GRHL2: variants seen among roughly 807,000 people sequenced by gnomAD.
GRHL2 encodes the protein grainyhead-like protein 2 homolog.
A neutral mutation model predicts 83.8 loss-of-function variants in GRHL2; 21 were observed. The observed-to-expected ratio is 0.25, with a 90% CI of 0.18 to 0.36. The LOEUF (loss-of-function observed/expected upper bound fraction) is 0.36, where lower values mean the gene tolerates loss of function less well. Ranked by LOEUF, GRHL2 falls within the 10% of genes least tolerant of loss-of-function variation. GRHL2 has a pLI of 1.00. For synonymous variants in GRHL2, 280 were observed against 278.9 expected (o/e 1.00, Z -0.04); for missense variants, 623 against 781.8 (o/e 0.80, Z 2.42).
At position 101,556,036 on chromosome 8, in the gene GRHL2, A is replaced by G. The variant is rs192708874; in HGVS notation, c.285-2383A>G. ...AATGGCATGATCTCAGCTCACTGCA[A>G]CCTCCGATCCCGGCAGGTTCAAGTG... is the stretch of plus-strand genomic sequence containing the variant. On this transcript the variant is annotated intron_variant, in intron 3 of 15. Transcript: ENST00000646743. Among the ~76,000 whole-genome samples, 309 of 151,984 alleles carry G rather than the reference A, an allele frequency of 2.0e-3. 4 individuals are homozygous for G. The highest frequency in any genetic ancestry group is 6.9e-3 in the African/African-American group (286 of 41,454).
intron 15 of GRHL2, among the ~76,000 whole-genome samples, chr8:101,665,959 G>A (rs903087161): frequency 1.3e-5 from 2 of 152,198 alleles, no homozygotes; most frequent in Non-Finnish European, 2.9e-5. Context: ...AGGTGGTAAA[G>A]TACAAGTGTC....
At chr8:101,592,882 C>A (rs1164894412) in intron 7 of GRHL2, among the ~76,000 whole-genome samples, 1 of 152,194 alleles carries the variant, frequency 6.6e-6, no homozygotes, top group Non-Finnish European at 1.5e-5. Context: ...ATGACATTAA[C>A]AATGAGATTA....
the GRHL2 span, among the ~76,000 whole-genome samples, chr8:101,676,974 C>T: frequency 4.0e-5 from 6 of 151,826 alleles, no homozygotes; most frequent in Admixed American, 2.0e-4. Flanking sequence ...AAAAAACAAA[C>T]ACCACATATT....
intron 1 of GRHL2, among the ~76,000 whole-genome samples, chr8:101,498,578 A>G (rs1287884153): frequency 1.3e-5 from 2 of 152,162 alleles, no homozygotes; most frequent in African/African-American, 4.8e-5. Flanking sequence ...AGCTTGAAGT[A>G]TTACTCTGAT....
rs1210840378 is a variant in GRHL2, at chr8:101,616,419, C to T, written c.1099-3120C>T. Among the ~76,000 whole-genome samples the T allele has an allele frequency of 3.3e-5, 5 of 152,268 alleles. No homozygotes were observed. In the East Asian group the frequency reaches 7.7e-4, roughly 23 times the overall value. On this transcript the variant is annotated intron_variant, in intron 8 of 15. Transcript: ENST00000646743. ...CTCCTGACCTCTGGTGATCCACCCG[C>T]CTAAGCCTCTCAAAATGCTGGGATT...
Position 101,666,576 on chromosome 8 carries a change from C to T in GRHL2, c.1764-13C>T. ...CGTCTTTGTTTTTCACACCCCTCCC[C>T]CCTCCATGGCAGCATCTTGGTGAAC... On this transcript the variant is annotated splice_polypyrimidine_tract_variant and intron_variant, in intron 15 of 15. Coordinates refer to ENST00000646743, the MANE Select transcript of GRHL2 (RefSeq NM_024915.4). The T allele has an allele frequency of 1.3e-6, 2 of 1,518,768 alleles. No homozygotes were observed. Among genetic ancestry groups the T allele is most frequent in the Non-Finnish European group, 1.8e-6 (2 of 1,093,112 alleles). The allele number at this position is 1,518,768 out of a possible 1,614,324, so 94.1% of individuals were successfully genotyped here. A position where few individuals can be genotyped will look rare whatever the true frequency, so the allele number is the denominator to read the frequency against.
chr8:101,554,524 T>TA (rs574939438), intron 3 of GRHL2, among the ~76,000 whole-genome samples: 6 of 150,142 alleles, frequency 4.0e-5, no homozygotes, highest in African/African-American at 1.3e-4. Context: ...TAGAGCACTT[T>TA]AAAAAAAAAC....
rs1563556310 is a variant in GRHL2, at chr8:101,509,217, GT to G, written c.20+16429del. On this transcript the variant is annotated intron_variant, in intron 1 of 15. Transcript: ENST00000646743. ...TCTTTCTTTCTTTCTTCTTGTGTGTGTGTGTGTGTGTGTGTGTGTGTGTGTG... is the reference window on the plus strand; with the variant it reads ...TCTTTCTTTCTTTCTTCTTGTGTGTGGTGTGTGTGTGTGTGTGTGTGTGTG... Among the ~76,000 whole-genome samples the G allele has an allele frequency of 9.2e-3, 422 of 45,712 alleles. 12 individuals are homozygous for G. Among genetic ancestry groups the G allele is most frequent in the African/African-American group, 0.024 (396 of 16,542 alleles). 30.0% of individuals were successfully genotyped at this position (45,712 alleles called of 152,430 possible). A position where few individuals can be genotyped will look rare whatever the true frequency, so the allele number is the denominator to read the frequency against.
intron 7 of GRHL2, among the ~76,000 whole-genome samples, chr8:101,598,006 C>T (rs1812427595): frequency 6.6e-6 from 1 of 152,008 alleles, no homozygotes; most frequent in Non-Finnish European, 1.5e-5. Context: ...CCCAATCTGG[C>T]AACTTTAGTC....
At chr8:101,495,953 C>G (rs1275020449) in intron 1 of GRHL2, among the ~76,000 whole-genome samples, 2 of 152,074 alleles carry the variant, frequency 1.3e-5, no homozygotes, top group African/African-American at 4.8e-5. Flanking sequence ...TCATGACCAG[C>G]CTGATCAACA....
intron 4 of GRHL2, among the ~76,000 whole-genome samples, chr8:101,559,353 C>CAAAAAAAAAA (rs34176940): frequency 1.2e-4 from 11 of 88,964 alleles, no homozygotes; most frequent in Admixed American, 4.2e-4. Context: ...ACTAAAAATA[C>CAAAAAAAAAA]AAAAAAAAAA....
At chr8:101,563,725 T>G (rs1472972248) in intron 4 of GRHL2, among the ~76,000 whole-genome samples, 3 of 152,116 alleles carry the variant, frequency 2.0e-5, no homozygotes, top group Non-Finnish European at 2.9e-5. Flanking sequence ...TTTTTGTTTT[T>G]TTTTGTTTTT....
intron 1 of GRHL2, among the ~76,000 whole-genome samples, chr8:101,513,516 TGGAG>T (rs1554582045): frequency 2.7e-5 from 4 of 146,736 alleles, no homozygotes; most frequent in Middle Eastern, 3.3e-3. Context: ...TTTTTGGAGA[TGGAG>T]TTTTGCTCTT....
intron 7 of GRHL2, among the ~76,000 whole-genome samples, chr8:101,597,525 T>C (rs913326663): frequency 1.3e-5 from 2 of 152,114 alleles, no homozygotes; most frequent in African/African-American, 4.8e-5. Context: ...TTCATGTCCT[T>C]TGTAGGGACA....
At chr8:101,508,038 G>A (rs1810377140) in intron 1 of GRHL2, among the ~76,000 whole-genome samples, 1 of 152,058 alleles carries the variant, frequency 6.6e-6, no homozygotes, top group Non-Finnish European at 1.5e-5. Flanking sequence ...CACCCGCCTT[G>A]AACTCCCAAA....
At chr8:101,525,478 A>G (rs1289761086) in intron 1 of GRHL2, among the ~76,000 whole-genome samples, 1 of 152,162 alleles carries the variant, frequency 6.6e-6, no homozygotes, top group South Asian at 2.1e-4. Context: ...GATAGTTATA[A>G]AGCATATTAA....
At chr8:101,567,396 T>C (rs1342364391) in intron 4 of GRHL2, among the ~76,000 whole-genome samples, 1 of 152,224 alleles carries the variant, frequency 6.6e-6, no homozygotes. Context: ...ACTTGATAAC[T>C]GTAGCCAGAA....
intron 1 of GRHL2, among the ~76,000 whole-genome samples, chr8:101,495,931 G>A (rs1279948062): frequency 1.3e-5 from 2 of 152,084 alleles, no homozygotes; most frequent in African/African-American, 2.4e-5. Flanking sequence ...GGTGGATCAC[G>A]AGGTCAGGAG....
At chr8:101,532,518 A>C (rs1810948786) in intron 1 of GRHL2, among the ~76,000 whole-genome samples, 1 of 152,228 alleles carries the variant, frequency 6.6e-6, no homozygotes, top group Admixed American at 6.5e-5. Flanking sequence ...TTAGGAGGCC[A>C]AGGTGGGCGG....
Sources: allele counts gnomAD v4.1 joint callset (sites outside exome capture counted in the v4.1 genomes callset), GRCh38; gene constraint gnomAD v4.1.1; transcripts MANE v1.5; gene names NCBI Gene and HGNC (gene_info 2026-07-23, HGNC 2026-07-21).